LRP1B: variants seen among roughly 807,000 people sequenced by gnomAD.
LRP1B encodes low-density lipoprotein receptor-related protein 1B.
LRP1B carries 217 observed loss-of-function variants against 556.6 expected under a neutral mutation model. The observed-to-expected ratio is 0.39, with a 90% CI of 0.35 to 0.44. The LOEUF (loss-of-function observed/expected upper bound fraction) is 0.44. Ranked by LOEUF, LRP1B falls within the 20% of genes least tolerant of loss-of-function variation. The probability of loss-of-function intolerance (pLI) is 1.00; values close to 1 mark genes in which losing one functional copy is unlikely to be tolerated. For synonymous variants in LRP1B, 2,047 were observed against 1,865.8 expected, an observed-to-expected ratio of 1.10 and a Z score of -2.50; for missense variants, 5,053 against 5,620.8, an observed-to-expected ratio of 0.90 and a Z score of 3.23.
At chr2:140,544,562 G>T (rs1680255991) in intron 43 of LRP1B, among the ~76,000 whole-genome samples, 1 of 152,038 alleles carries the variant, frequency 6.6e-6, no homozygotes, top group Non-Finnish European at 1.5e-5. Context: ...TTATAAGTGA[G>T]AACATGTGAT....
In LRP1B at chr2:140,868,239, A is replaced by T. The variant is rs2105156682; in HGVS notation, c.4194T>A (p.Asp1398Glu). ...RYGILFWTDW[D>E]ANFPRIESAS... ...CAGATTCAATGCGAGGAAAATTTGCATCCCAGTCTGTCCAGAAAAGAATTC... is the reference window on the plus strand; with the variant it reads ...CAGATTCAATGCGAGGAAAATTTGCTTCCCAGTCTGTCCAGAAAAGAATTC... The change falls in exon 26 of 91, where the codon GAT becomes GAA. Residue 1398 changes from aspartate to glutamate, a missense_variant. Coordinates refer to ENST00000389484, the MANE Select transcript of LRP1B (RefSeq NM_018557.3). 1 of 1,590,570 alleles carries T rather than the reference A, an allele frequency of 6.3e-7. No homozygotes were observed. Among genetic ancestry groups the T allele is most frequent in the Non-Finnish European group, 8.5e-7 (1 of 1,171,438 alleles).
intron 43 of LRP1B, among the ~76,000 whole-genome samples, chr2:140,561,325 A>G (rs1213663710): frequency 1.3e-5 from 2 of 152,124 alleles, no homozygotes; most frequent in Non-Finnish European, 2.9e-5. Flanking sequence ...ATCTGACCAC[A>G]CAGGCCTGGT....
chr2:141,713,118 C>CT (rs1692429007), intron 2 of LRP1B, among the ~76,000 whole-genome samples: 1 of 148,616 alleles, frequency 6.7e-6, no homozygotes, highest in South Asian at 2.1e-4. Context: ...GGGTCTCACT[C>CT]TGTCAGTGGT....
chr2:142,103,471 A>G (rs72994144), intron 1 of LRP1B, among the ~76,000 whole-genome samples: 4,369 of 152,026 alleles, frequency 0.029, 199 homozygotes, highest in African/African-American at 0.099. Flanking sequence ...TTTCCTTAAT[A>G]AAGAAACCTA....
chr2:140,815,877 T>G (rs1412955000), intron 31 of LRP1B, among the ~76,000 whole-genome samples: 2 of 151,628 alleles, frequency 1.3e-5, no homozygotes, highest in Non-Finnish European at 2.9e-5. Flanking sequence ...CTTTTTTTTT[T>G]TTTTTTGGAT....
At chr2:141,806,447 C>G (rs1450403079) in intron 2 of LRP1B, among the ~76,000 whole-genome samples, 3 of 151,842 alleles carry the variant, frequency 2.0e-5, no homozygotes, top group Non-Finnish European at 4.4e-5. Flanking sequence ...GAAATAAAGG[C>G]TTTCATTTTT....
At chr2:141,907,293 A>T (rs1436950828) in intron 1 of LRP1B, among the ~76,000 whole-genome samples, 1 of 151,888 alleles carries the variant, frequency 6.6e-6, no homozygotes, top group East Asian at 1.9e-4. Flanking sequence ...ATTCTCGGTG[A>T]TGGCACTGCT....
At chr2:140,570,369 A>G (rs1681280529) in intron 43 of LRP1B, among the ~76,000 whole-genome samples, 2 of 151,792 alleles carry the variant, frequency 1.3e-5, no homozygotes, top group African/African-American at 4.8e-5. Flanking sequence ...CAGAAATACA[A>G]AAGATTAGTA....
At chr2:141,972,665 C>T (rs1289370873) in intron 1 of LRP1B, among the ~76,000 whole-genome samples, 2 of 150,780 alleles carry the variant, frequency 1.3e-5, no homozygotes, top group African/African-American at 4.9e-5. Context: ...GTTTTTTAGA[C>T]GTTGGTTCTG....
intron 7 of LRP1B, among the ~76,000 whole-genome samples, chr2:141,177,512 A>G (rs1368658087): frequency 1.3e-5 from 2 of 152,172 alleles, no homozygotes; most frequent in East Asian, 1.9e-4. Context: ...ATCATTTGCA[A>G]TATCTTGGAA....
chr2:141,367,091 T>C (rs1402038557), intron 3 of LRP1B, among the ~76,000 whole-genome samples: 4 of 152,182 alleles, frequency 2.6e-5, no homozygotes, highest in Non-Finnish European at 4.4e-5. Context: ...AGCTAAAAAC[T>C]ATTGCTGCTT....
In LRP1B at chr2:141,457,911, T is replaced by C. The variant is rs187696466; in HGVS notation, c.343+22485A>G. ...ATGAAGCAGAATTTGCAGGTGGCAA[T>C]AAGGCTCAAGGTAATTCAGGAGACA... On this transcript the variant is annotated intron_variant, in intron 3 of 90. Transcript: ENST00000389484. 7.2e-5 allele frequency among the ~76,000 whole-genome samples: 11 copies of C among 152,234 alleles called. No individual in the cohort carries two copies. In the South Asian group the frequency reaches 8.3e-4, roughly 11 times the overall value.
At chr2:140,276,334 A>C (rs1023754537) in intron 84 of LRP1B, among the ~76,000 whole-genome samples, 3 of 151,974 alleles carry the variant, frequency 2.0e-5, no homozygotes, top group Non-Finnish European at 4.4e-5. Context: ...GCACTGTGCC[A>C]GGTACCTTCA....
At chr2:141,070,596 A>T in intron 7 of LRP1B, among the ~76,000 whole-genome samples, 1 of 152,044 alleles carries the variant, frequency 6.6e-6, no homozygotes, top group Non-Finnish European at 1.5e-5. Flanking sequence ...AACAAAATTG[A>T]TAGACCACTA....
rs71834225 is a variant in LRP1B at position 140,908,365 on chromosome 2, A to AATATATAT, written c.3320-296_3320-289dup. 4.0e-3 allele frequency among the ~76,000 whole-genome samples: 570 copies of AATATATAT among 140,952 alleles called. 3 individuals are homozygous for AATATATAT. The highest frequency in any genetic ancestry group is 5.7e-3 in the Admixed American group (80 of 13,946). 92.5% of individuals were successfully genotyped at this position (140,952 alleles called of 152,430 possible). A position where few individuals can be genotyped will look rare whatever the true frequency, so the allele number is the denominator to read the frequency against. ...TATATACATATATTTATATTTATAT[A>AATATATAT]ATATATATATATATATATATATATA... On this transcript the variant is annotated intron_variant, in intron 21 of 90. Coordinates refer to ENST00000389484, the MANE Select transcript of LRP1B (RefSeq NM_018557.3).
chr2:141,781,944 T>C (rs1695268749), intron 2 of LRP1B, among the ~76,000 whole-genome samples: 1 of 152,166 alleles, frequency 6.6e-6, no homozygotes, highest in Non-Finnish European at 1.5e-5. Flanking sequence ...TAAAATGTTC[T>C]CTTTTTAGCT....
chr2:141,185,159 C>T (rs1681185676), intron 7 of LRP1B, among the ~76,000 whole-genome samples: 1 of 152,042 alleles, frequency 6.6e-6, no homozygotes, highest in Non-Finnish European at 1.5e-5. Context: ...TTATTTAATT[C>T]TTTCAACAGC....
At chr2:140,784,376 CCACACACACACACACACA>C (rs143661527) in intron 32 of LRP1B, among the ~76,000 whole-genome samples, 5 of 126,572 alleles carry the variant, frequency 4.0e-5, no homozygotes, top group African/African-American at 8.8e-5. Flanking sequence ...GATTCTGCCT[CCACACACACACACACACA>C]CACACACACA....
At chr2:141,188,696 A>G (rs537174072) in intron 6 of LRP1B, 113 bp from the exon 7 acceptor site, 6 of 865,882 alleles carry the variant, frequency 6.9e-6, no homozygotes, top group African/African-American at 6.9e-5. Context: ...AAGTATAGAC[A>G]TTTTTATGAA....
Sources: allele counts gnomAD v4.1 joint callset (sites outside exome capture counted in the v4.1 genomes callset), GRCh38; gene constraint gnomAD v4.1.1; transcripts MANE v1.5; gene names NCBI Gene and HGNC (gene_info 2026-07-23, HGNC 2026-07-21).